GLB1: variants seen among roughly 807,000 people sequenced by gnomAD.
GLB1 encodes galactosidase beta 1.
In GLB1, 56 loss-of-function variants were observed where a neutral mutation model predicts 74.0. The observed-to-expected ratio is 0.76, with a 90% CI of 0.61 to 0.94. GLB1 has a LOEUF of 0.94. GLB1 is among the 40% of genes least tolerant of loss of function. GLB1 has a pLI of 0.00. For synonymous variants in GLB1, 323 were observed against 323.6 expected, an observed-to-expected ratio of 1.00 and a Z score of 0.02; for missense variants, 787 against 845.5, an observed-to-expected ratio of 0.93 and a Z score of 0.86.
In GLB1 at chr3:33,016,695, G is replaced by A; in HGVS notation, c.1479+14C>T. 6.2e-7 allele frequency: 1 copy of A among 1,613,468 alleles called. No homozygotes were observed. Among genetic ancestry groups the A allele is most frequent in the Non-Finnish European group, 8.5e-7 (1 of 1,179,560 alleles). On this transcript the variant is annotated intron_variant, in intron 14 of 15. Transcript: ENST00000307363. ...CCCCTTAAACCTTAGTCTTGACAGT[G>A]TGGTTTGTCCTACCTTAAAATCGTT...
chr3:33,091,856 C>A, intron 1 of GLB1: 1 of 985,452 alleles, frequency 1.0e-6, no homozygotes, highest in South Asian at 4.7e-5. Flanking sequence ...TTTTCTAACA[C>A]GGGTGCTTAT....
the GLB1 span, among the ~76,000 whole-genome samples, chr3:32,970,323 G>A: frequency 1.3e-5 from 2 of 152,076 alleles, no homozygotes. Flanking sequence ...TCCGAGTCAG[G>A]TGCACCCCCA....
At chr3:33,094,361 C>T in intron 1 of GLB1, 2 of 1,383,240 alleles carry the variant, frequency 1.4e-6, no homozygotes, top group Non-Finnish European at 1.9e-6. Flanking sequence ...TGTACCCATT[C>T]AAAACTCAAA....
At chr3:32,962,493 T>C in the GLB1 span, among the ~76,000 whole-genome samples, 10,936 of 152,120 alleles carry the variant, frequency 0.072, 831 homozygotes, top group African/African-American at 0.2. Flanking sequence ...TACAAGTTTA[T>C]TTAAAAAATT....
chr3:32,997,527 G>C (rs865855370), intron 15 of GLB1, among the ~76,000 whole-genome samples, 183 bp from the exon 16 acceptor site: 4 of 152,166 alleles, frequency 2.6e-5, no homozygotes, highest in Non-Finnish European at 5.9e-5. Flanking sequence ...AACTGGCCAA[G>C]GTGGGAAGAA....
the GLB1 span, among the ~76,000 whole-genome samples, chr3:32,964,249 T>C: frequency 2.0e-5 from 3 of 152,302 alleles, no homozygotes; most frequent in African/African-American, 7.2e-5. Flanking sequence ...CCTAATTGTT[T>C]TGATGTCACA....
chr3:33,060,351 A>T (rs1699392227), intron 5 of GLB1, among the ~76,000 whole-genome samples: 1 of 152,228 alleles, frequency 6.6e-6, no homozygotes, highest in Admixed American at 6.5e-5. Flanking sequence ...CCCATTGATG[A>T]GTTCCATGAA....
At chr3:33,065,361 A>G (rs1699627297) in intron 5 of GLB1, 102 bp downstream of exon 5, 30 of 1,448,344 alleles carry the variant, frequency 2.1e-5, no homozygotes, top group Non-Finnish European at 2.7e-5. Flanking sequence ...TCTTAAAGAA[A>G]CAGACCTATG....
intron 10 of GLB1, among the ~76,000 whole-genome samples, chr3:33,029,653 AACATGG>A (rs1461269343): frequency 1.3e-5 from 2 of 152,214 alleles, no homozygotes; most frequent in Non-Finnish European, 2.9e-5. Flanking sequence ...CCTTTGCAGC[AACATGG>A]ATGGAGCTGG....
At chr3:32,999,730 C>T (rs759530094) in intron 15 of GLB1, among the ~76,000 whole-genome samples, 14 of 152,068 alleles carry the variant, frequency 9.2e-5, no homozygotes, top group Non-Finnish European at 1.6e-4. Flanking sequence ...CTGCAGCCTC[C>T]GCCTCCACCT....
At position 33,046,693 on chromosome 3, in the gene GLB1, A is replaced by G. The variant is rs182233476; in HGVS notation, c.956-461T>C. Among the ~76,000 whole-genome samples the G allele has an allele frequency of 5.3e-5, 8 of 152,316 alleles. No homozygotes were observed. The East Asian group carries it at 1.5e-3, about 29-fold the overall frequency. ...TGGTGAAGACACAGATGACTAGGCC[A>G]TGGATCAGCAGAAAACCCAGGGCTT... is the stretch of plus-strand genomic sequence containing the variant. On this transcript the variant is annotated intron_variant, in intron 9 of 15. Transcript: ENST00000307363.
intron 10 of GLB1, among the ~76,000 whole-genome samples, chr3:33,037,744 T>A (rs1698336410): frequency 6.6e-6 from 1 of 152,222 alleles, no homozygotes; most frequent in African/African-American, 2.4e-5. Context: ...AAGGGCACTG[T>A]CAACAGAGGC....
At chr3:33,063,977 G>T (rs1200238990) in intron 5 of GLB1, among the ~76,000 whole-genome samples, 5 of 151,926 alleles carry the variant, frequency 3.3e-5, no homozygotes, top group African/African-American at 1.2e-4. Context: ...GAAAGGCAAA[G>T]CAGTGCCCAT....
At position 33,031,464 on chromosome 3, in the gene GLB1, C is replaced by T. The variant is rs1286261876; in HGVS notation, c.1069-7139G>A. On this transcript the variant is annotated intron_variant, in intron 10 of 15. Transcript: ENST00000307363. ...TTTGAGACCAGCCTGGCCAACATGGCGAAACTCCGTCTCTACTAAAAATAC... is the reference window on the plus strand; with the variant it reads ...TTTGAGACCAGCCTGGCCAACATGGTGAAACTCCGTCTCTACTAAAAATAC... Among the ~76,000 whole-genome samples, 11 of 150,820 alleles carry T rather than the reference C, an allele frequency of 7.3e-5. No homozygotes were observed. In the East Asian group the frequency reaches 1.2e-3, roughly 16 times the overall value.
chr3:33,093,611 C>A lies in GLB1; in HGVS notation c.75+3400G>T. 2 of 1,614,100 alleles carry A rather than the reference C, an allele frequency of 1.2e-6. No individual in the cohort carries two copies. The highest frequency in any genetic ancestry group is 1.7e-6 in the Non-Finnish European group (2 of 1,179,996). Reference sequence around the variant, plus strand: ...TTGAGGCAGGCAGCTGATGGATGGGCACCTCCACAGTTTTCACAGCCGGGG... The same window carrying A: ...TTGAGGCAGGCAGCTGATGGATGGGAACCTCCACAGTTTTCACAGCCGGGG... On this transcript the variant is annotated intron_variant, in intron 1 of 15. Coordinates refer to ENST00000307363, the MANE Select transcript of GLB1 (RefSeq NM_000404.4). The surrounding 1 kb of genome is among the most constrained non-coding windows in gnomAD (Gnocchi z 6.0).
chr3:33,091,195 T>C (rs1700743981), intron 1 of GLB1: 2 of 985,378 alleles, frequency 2.0e-6, no homozygotes, highest in Middle Eastern at 5.2e-4. Flanking sequence ...GAAAAAAGAA[T>C]AAGGAAACCA....
At chr3:33,082,828 C>A (rs1700371310) in intron 1 of GLB1, among the ~76,000 whole-genome samples, 2 of 152,116 alleles carry the variant, frequency 1.3e-5, no homozygotes, top group Admixed American at 6.5e-5. Flanking sequence ...GAGAGATGAA[C>A]ATCACCATGT....
chr3:33,083,478 A>G (rs1700397558), intron 1 of GLB1, among the ~76,000 whole-genome samples: 1 of 152,008 alleles, frequency 6.6e-6, no homozygotes, highest in Admixed American at 6.6e-5. Context: ...CTGCCTTCAG[A>G]GTGTATTCCC....
the GLB1 span, among the ~76,000 whole-genome samples, chr3:32,981,112 A>T: frequency 6.7e-6 from 1 of 150,126 alleles, no homozygotes. Context: ...AAAAAAAAAA[A>T]AAAAAAATCT....
Sources: allele counts gnomAD v4.1 joint callset (sites outside exome capture counted in the v4.1 genomes callset), GRCh38; gene constraint gnomAD v4.1.1; non-coding constraint Gnocchi (gnomAD v3.1); transcripts MANE v1.5; gene names NCBI Gene and HGNC (gene_info 2026-07-23, HGNC 2026-07-21).